NCAPD3: variants seen among roughly 807,000 people sequenced by gnomAD.
NCAPD3 encodes non-SMC condensin II complex subunit D3, also known as condensin-2 complex subunit D3.
Under a neutral mutation model 182.9 loss-of-function variants are expected in NCAPD3, and 105 were observed. The observed-to-expected ratio is 0.57, with a 90% CI of 0.49 to 0.68. NCAPD3 has a LOEUF of 0.68. Among genes scored for constraint, NCAPD3 ranks in the 30% least tolerant of loss-of-function variants. The pLI, the probability that NCAPD3 is intolerant of heterozygous loss-of-function variation, is 0.00. For synonymous variants in NCAPD3, 815 were observed against 679.9 expected, an observed-to-expected ratio of 1.20 and a Z score of -3.09; for missense variants, 1,944 against 1,837.0, an observed-to-expected ratio of 1.06 and a Z score of -1.07.
At chr11:134,157,873 CTG>C (rs1459631035) in intron 31 of NCAPD3, 53 bp downstream of exon 31, 1 of 1,536,490 alleles carries the variant, frequency 6.5e-7, no homozygotes, top group African/African-American at 1.4e-5. Context: ...GTAGCTTGTT[CTG>C]TGTTTTCATC....
chr11:134,168,416 A>G lies in NCAPD3; in HGVS notation c.3373+53T>C. On this transcript the variant is annotated intron_variant, in intron 26 of 34. Coordinates refer to ENST00000534548, the MANE Select transcript of NCAPD3 (RefSeq NM_015261.3). ...AGAGGCCTGCTGGGCCATTATCAACACAGCATTTCATTTGCAAACACACAC... is the reference window on the plus strand; with the variant it reads ...AGAGGCCTGCTGGGCCATTATCAACGCAGCATTTCATTTGCAAACACACAC... 6 of 1,608,004 alleles carry G rather than the reference A, an allele frequency of 3.7e-6. 1 individual carries two copies. The South Asian group carries it at 5.5e-5, about 15-fold the overall frequency.
chr11:134,203,121 G>T, intron 12 of NCAPD3, 21 bp downstream of exon 12: 1 of 1,519,948 alleles, frequency 6.6e-7, no homozygotes, highest in Non-Finnish European at 9.1e-7. Context: ...TTCAATATTT[G>T]AAAATGTATT....
At chr11:134,194,571 A>C (rs1944587361) in intron 14 of NCAPD3, 94 bp downstream of exon 14, 5 of 800,154 alleles carry the variant, frequency 6.2e-6, no homozygotes, top group Middle Eastern at 2.4e-4. Context: ...AAGCAAATTA[A>C]GTAATGAATA....
chr11:134,164,043 A>G (rs898565147), intron 27 of NCAPD3, among the ~76,000 whole-genome samples: 1 of 152,226 alleles, frequency 6.6e-6, no homozygotes, highest in African/African-American at 2.4e-5. Context: ...AAGAGAAAAC[A>G]GGCAGGATCT....
intron 32 of NCAPD3, among the ~76,000 whole-genome samples, chr11:134,156,040 G>A (rs1266236513): frequency 6.6e-6 from 1 of 152,222 alleles, no homozygotes; most frequent in Admixed American, 6.5e-5. Flanking sequence ...CGAACGGCAG[G>A]ACACCTTGCT....
chr11:134,167,757 G>T (rs1418377290), intron 27 of NCAPD3, among the ~76,000 whole-genome samples: 4 of 132,698 alleles, frequency 3.0e-5, no homozygotes, highest in Non-Finnish European at 6.3e-5. Context: ...AGGGAGAGCA[G>T]CACACTCACT....
intron 13 of NCAPD3, 72 bp downstream of exon 13, chr11:134,202,743 GT>G: frequency 8.3e-7 from 1 of 1,211,092 alleles, no homozygotes; most frequent in Non-Finnish European, 1.2e-6. Context: ...AAAATCCAAG[GT>G]TTTAGACTCT....
chr11:134,184,904 A>G lies in NCAPD3; in HGVS notation c.2334T>C (p.Thr778=), dbSNP rs947856474. 1 of 1,605,118 alleles carries G rather than the reference A, an allele frequency of 6.2e-7. No individual in the cohort carries two copies. The highest frequency in any genetic ancestry group is 1.1e-5 in the South Asian group (1 of 90,902). Residue 778 remains threonine (T), a splice_region_variant and synonymous_variant, in exon 18 of 35, where the codon ACT becomes ACC. Transcript: ENST00000534548. ...HLPKSTRDKV[T]DAVKCKLNGF... ...TAAGATTCTCCAGCAGACACTCACC[A>G]GTCACTTTGTCCCGGGTGCTCTTAG...
In NCAPD3 at chr11:134,185,380, C is replaced by T. The variant is rs61744119; in HGVS notation, c.2192G>A (p.Arg731Lys). 7.7e-4 allele frequency: 1,237 copies of T among 1,613,698 alleles called. 7 individuals carry two copies. The African/African-American group carries it at 0.015, about 19-fold the overall frequency. ...TTGTATTATTCTGCTGTAGTCCAGC[C>T]TGGGTGAGGAGCCAGCAATCTTGGA... ...LLSKIAGSSP[R>K]LDYSRIIQSW... The change falls in exon 17 of 35, where the codon AGG (arginine) becomes AAG (lysine). Residue 731 changes from arginine to lysine, a missense_variant. Physicochemically the swap from Arg to Lys is conservative, Grantham distance 26. Transcript: ENST00000534548.
Position 134,160,208 on chromosome 11 carries a change from G to A in NCAPD3, c.3685-134C>T, listed in dbSNP as rs78110879. 2.1e-3 allele frequency: 1,824 copies of A among 862,544 alleles called. 23 individuals are homozygous for A. The African/African-American group carries it at 0.029, about 14-fold the overall frequency. The allele number at this position is 862,544 out of a possible 1,614,324, so 53.4% of individuals were successfully genotyped here. A position where few individuals can be genotyped will look rare whatever the true frequency, so the allele number is the denominator to read the frequency against. Reference sequence around the variant, plus strand: ...GTGTACCCCTGAACGCAAAATAAAAGTTAAGAAAGAAAAAAGCCCCCCAAG... The same window carrying A: ...GTGTACCCCTGAACGCAAAATAAAAATTAAGAAAGAAAAAAGCCCCCCAAG... On this transcript the variant is annotated intron_variant, in intron 28 of 34. Coordinates refer to ENST00000534548, the MANE Select transcript of NCAPD3 (RefSeq NM_015261.3).
chr11:134,209,373 T>C lies in NCAPD3; in HGVS notation c.672A>G (p.Leu224=), dbSNP rs776419765. 4 of 1,614,122 alleles carry C rather than the reference T, an allele frequency of 2.5e-6. No individual in the cohort carries two copies. The highest frequency in any genetic ancestry group is 2.5e-6 in the Non-Finnish European group (3 of 1,179,996). The change falls in exon 5 of 35, where the codon TTA becomes TTG. Residue 224 remains leucine (L), a synonymous_variant. Coordinates refer to ENST00000534548, the MANE Select transcript of NCAPD3 (RefSeq NM_015261.3). ...NAIFHLLKNF[L]RLLPKFSLKE... ...TCAAGGAAAACTTTGGCAGAAGCCT[T>C]AAAAAATTCTTTAAAAGGTGAAAGA... is the stretch of plus-strand genomic sequence containing the variant.
chr11:134,169,179 C>A, intron 24 of NCAPD3, 125 bp from the exon 25 acceptor site: 1 of 914,756 alleles, frequency 1.1e-6, no homozygotes. Flanking sequence ...AAATCTATCC[C>A]AATAAACAGT....
upstream of NCAPD3, chr11:134,225,216 G>A (rs773684939): frequency 6.2e-6 from 10 of 1,614,148 alleles, no homozygotes; most frequent in Non-Finnish European, 8.5e-6. Context: ...GACGGAGGAC[G>A]GGAAGAAGGA....
intron 13 of NCAPD3, among the ~76,000 whole-genome samples, chr11:134,198,957 A>G (rs1213685515): frequency 1.3e-5 from 2 of 152,214 alleles, no homozygotes; most frequent in African/African-American, 4.8e-5. Context: ...AAAGAAATAA[A>G]AAGACATCTG....
At chr11:134,210,657 A>C (rs1365898997) in intron 3 of NCAPD3, among the ~76,000 whole-genome samples, 1 of 152,202 alleles carries the variant, frequency 6.6e-6, no homozygotes, top group Non-Finnish European at 1.5e-5. Context: ...AAGATTTCCA[A>C]ATCTGGCCAG....
chr11:134,202,020 T>C (rs2136008884), intron 13 of NCAPD3, among the ~76,000 whole-genome samples: 1 of 152,344 alleles, frequency 6.6e-6, no homozygotes, highest in East Asian at 1.9e-4. Flanking sequence ...ATTGTATATA[T>C]GAGAACACTT....
rs531028496 is a variant in NCAPD3 at position 134,168,781 on chromosome 11, C to T, written c.3239+136G>A. 190 of 1,381,912 alleles carry T rather than the reference C, an allele frequency of 1.4e-4. No individual in the cohort carries two copies. The East Asian group carries it at 2.2e-3, about 16-fold the overall frequency. 85.6% of individuals were successfully genotyped at this position (1,381,912 alleles called of 1,614,324 possible). A position where few individuals can be genotyped will look rare whatever the true frequency, so the allele number is the denominator to read the frequency against. On this transcript the variant is annotated intron_variant, in intron 25 of 34. Transcript: ENST00000534548. ...CGATTCTCACGACTGTATTTTCTTA[C>T]GCCATCCTGCCAAGCCACAGTAAAG...
intron 7 of NCAPD3, among the ~76,000 whole-genome samples, chr11:134,207,755 A>C (rs1937667949): frequency 6.6e-6 from 1 of 151,726 alleles, no homozygotes; most frequent in Admixed American, 6.6e-5. Context: ...AAAAAAAAAA[A>C]AAAAAAAAAA....
At position 134,151,436 on chromosome 11, in the gene NCAPD3, T is replaced by C. The variant is rs1006072814; in HGVS notation, c.*1508A>G. Reference sequence around the variant, plus strand: ...GCTCCAGCCTCCTTCTTGGTTGTCATAGTGATAGGGTAGCCTTATTGCCCC... The same window carrying C: ...GCTCCAGCCTCCTTCTTGGTTGTCACAGTGATAGGGTAGCCTTATTGCCCC... On this transcript the variant is annotated 3_prime_UTR_variant, in exon 35 of 35. Coordinates refer to ENST00000534548, the MANE Select transcript of NCAPD3 (RefSeq NM_015261.3). The C allele has an allele frequency of 6.6e-6, 1 of 152,192 alleles. No homozygotes were observed. The highest frequency in any genetic ancestry group is 2.4e-5 in the African/African-American group (1 of 41,434). 9.4% of individuals were successfully genotyped at this position (152,192 alleles called of 1,614,324 possible). A position where few individuals can be genotyped will look rare whatever the true frequency, so the allele number is the denominator to read the frequency against.
Sources: allele counts gnomAD v4.1 joint callset (sites outside exome capture counted in the v4.1 genomes callset), GRCh38; gene constraint gnomAD v4.1.1; transcripts MANE v1.5; gene names NCBI Gene and HGNC (gene_info 2026-07-23, HGNC 2026-07-21).